The following GRM8 variants were observed in gnomAD, a reference collection of about 807,000 sequenced individuals.
The protein encoded by GRM8 is glutamate metabotropic receptor 8, also known as metabotropic glutamate receptor 8.
In GRM8, 47 loss-of-function variants were observed where a neutral mutation model predicts 87.2. The observed-to-expected ratio is 0.54, with a 90% CI of 0.43 to 0.69. The LOEUF (loss-of-function observed/expected upper bound fraction) is 0.69. Among genes scored for constraint, GRM8 ranks in the 30% least tolerant of loss-of-function variants. GRM8 has a pLI of 0.00. For missense variants in GRM8, 1,019 were observed against 1,139.2 expected (o/e 0.89, Z 1.52); for synonymous variants, 396 against 404.5 (o/e 0.98, Z 0.25).
At chr7:126,660,345 T>G (rs1397385409) in intron 7 of GRM8, among the ~76,000 whole-genome samples, 1 of 152,188 alleles carries the variant, frequency 6.6e-6, no homozygotes, top group Non-Finnish European at 1.5e-5. Flanking sequence ...CTGGATAATC[T>G]ATATAAAGTG....
chr7:126,861,212 G>T (rs557296965), intron 6 of GRM8, among the ~76,000 whole-genome samples: 2 of 152,138 alleles, frequency 1.3e-5, no homozygotes, highest in East Asian at 3.9e-4. Context: ...TATTTATAAA[G>T]AGTGTATTAT....
chr7:127,071,301 C>A (rs568756454), intron 3 of GRM8, among the ~76,000 whole-genome samples: 46 of 152,298 alleles, frequency 3.0e-4, no homozygotes, highest in African/African-American at 1.1e-3. Flanking sequence ...TTCAACTCAA[C>A]TTTAAAAGGT....
At chr7:126,472,465 T>A (rs1805388198) in intron 9 of GRM8, among the ~76,000 whole-genome samples, 1 of 152,154 alleles carries the variant, frequency 6.6e-6, no homozygotes, top group African/African-American at 2.4e-5. Flanking sequence ...GCATTCAAGA[T>A]GTGACTTGGG....
chr7:127,058,984 A>G (rs754913410), intron 3 of GRM8, among the ~76,000 whole-genome samples: 1 of 152,188 alleles, frequency 6.6e-6, no homozygotes, highest in Non-Finnish European at 1.5e-5. Context: ...GGCTCAGATG[A>G]AACAGAAGAA....
At chr7:126,618,706 G>A (rs1357977767) in intron 7 of GRM8, among the ~76,000 whole-genome samples, 1 of 152,094 alleles carries the variant, frequency 6.6e-6, no homozygotes, top group East Asian at 1.9e-4. Context: ...ATCAACAAGT[G>A]CGCAAAGGAT....
chr7:126,524,214 C>G (rs1203659320), intron 9 of GRM8, among the ~76,000 whole-genome samples: 1 of 152,192 alleles, frequency 6.6e-6, no homozygotes, highest in Non-Finnish European at 1.5e-5. Flanking sequence ...GTGATTGCCA[C>G]TGCCTTACTG....
At chr7:126,852,457 C>T (rs755220214) in intron 6 of GRM8, among the ~76,000 whole-genome samples, 6 of 152,136 alleles carry the variant, frequency 3.9e-5, no homozygotes, top group Non-Finnish European at 8.8e-5. Context: ...TTGTCAATAG[C>T]AGGATGGTAT....
At chr7:126,680,040 G>GAA (rs11435028) in intron 7 of GRM8, among the ~76,000 whole-genome samples, 20,157 of 146,038 alleles carry the variant, frequency 0.14, 1,775 homozygotes, top group Non-Finnish European at 0.18. Flanking sequence ...CTCCATCTCA[G>GAA]AAAAAAAAAA....
At chr7:126,799,815 C>T (rs1343920915) in intron 6 of GRM8, among the ~76,000 whole-genome samples, 1 of 152,128 alleles carries the variant, frequency 6.6e-6, no homozygotes, top group Non-Finnish European at 1.5e-5. Flanking sequence ...GCCTCCTCAC[C>T]TGTCCAGTTT....
intron 7 of GRM8, among the ~76,000 whole-genome samples, chr7:126,654,808 T>C (rs1804318523): frequency 6.6e-6 from 1 of 152,124 alleles, no homozygotes. Context: ...GCAAATCAAA[T>C]GATTAAGTTT....
intron 2 of GRM8, among the ~76,000 whole-genome samples, chr7:127,150,615 C>T (rs557277224): frequency 2.0e-4 from 31 of 152,146 alleles, no homozygotes; most frequent in Admixed American, 2.6e-4. Flanking sequence ...ATTTTGCAGA[C>T]GGGACAACTG....
At chr7:127,065,648 G>A (rs1821031854) in intron 3 of GRM8, among the ~76,000 whole-genome samples, 1 of 152,176 alleles carries the variant, frequency 6.6e-6, no homozygotes, top group Non-Finnish European at 1.5e-5. Flanking sequence ...GGGCTGTGGT[G>A]GTGGAGATGG....
intron 3 of GRM8, among the ~76,000 whole-genome samples, chr7:126,997,333 T>C (rs1475984410): frequency 1.3e-5 from 2 of 151,490 alleles, no homozygotes; most frequent in East Asian, 3.9e-4. Flanking sequence ...TAAGTGCCTA[T>C]ATCAAAAAAA....
At chr7:126,691,054 C>A (rs1185288723) in intron 7 of GRM8, among the ~76,000 whole-genome samples, 2 of 152,216 alleles carry the variant, frequency 1.3e-5, no homozygotes, top group East Asian at 1.9e-4. Flanking sequence ...CCCCTTTCCA[C>A]CCAGGAGCCT....
chr7:126,720,616 C>A (rs1812290476), intron 7 of GRM8, among the ~76,000 whole-genome samples: 1 of 152,096 alleles, frequency 6.6e-6, no homozygotes, highest in Non-Finnish European at 1.5e-5. Context: ...ATTTCTGAGA[C>A]CCCATACACA....
At chr7:126,904,796 A>T (rs1342102279) in intron 3 of GRM8, 113 bp from the exon 4 acceptor site, 6 of 919,856 alleles carry the variant, frequency 6.5e-6, no homozygotes, top group Non-Finnish European at 8.5e-6. Flanking sequence ...ATTTCTCAAA[A>T]TATGTGTCAC....
At chr7:126,834,171 C>T (rs1313205707) in intron 6 of GRM8, among the ~76,000 whole-genome samples, 1 of 152,168 alleles carries the variant, frequency 6.6e-6, no homozygotes, top group African/African-American at 2.4e-5. Flanking sequence ...GTGTCCAATT[C>T]CCATCCTCTC....
intron 3 of GRM8, among the ~76,000 whole-genome samples, chr7:126,934,155 A>G (rs1313570145): frequency 6.6e-6 from 1 of 152,214 alleles, no homozygotes; most frequent in African/African-American, 2.4e-5. Context: ...CAACTGTGCT[A>G]TCAAGATGCT....
intron 7 of GRM8, among the ~76,000 whole-genome samples, chr7:126,759,429 A>C (rs558773111): frequency 1.3e-5 from 2 of 152,256 alleles, no homozygotes; most frequent in East Asian, 1.9e-4. Context: ...AAGAAACAAG[A>C]AGAAATAATG....
Sources: allele counts gnomAD v4.1 joint callset (sites outside exome capture counted in the v4.1 genomes callset), GRCh38; gene constraint gnomAD v4.1.1; transcripts MANE v1.5; gene names NCBI Gene and HGNC (gene_info 2026-07-23, HGNC 2026-07-21).